Variants in SLC9A8 observed in about 807,000 individuals in gnomAD.
SLC9A8 encodes sodium/hydrogen exchanger 8.
Under a neutral mutation model 66.6 loss-of-function variants are expected in SLC9A8, and 48 were observed. The ratio of observed to expected loss-of-function variants is 0.72; its 90% CI spans 0.57 to 0.92. The LOEUF is 0.92. SLC9A8 is among the 40% of genes least tolerant of loss of function. The pLI is 0.00. For synonymous variants in SLC9A8, 274 were observed against 282.6 expected, an observed-to-expected ratio of 0.97 and a Z score of 0.31; for missense variants, 599 against 747.3, an observed-to-expected ratio of 0.80 and a Z score of 2.31.
chr20:49,884,199 G>GACACACACACAC, intron 14 of SLC9A8, 133 bp downstream of exon 14: 1 of 288,008 alleles, frequency 3.5e-6, no homozygotes, highest in Non-Finnish European at 6.3e-6. Context: ...CCACACACAC[G>GACACACACACAC]ACACACACAC....
At chr20:49,830,550 G>A (rs2087131568) in intron 3 of SLC9A8, 2 of 639,090 alleles carry the variant, frequency 3.1e-6, no homozygotes, top group Admixed American at 5.4e-5. Flanking sequence ...CTGGGTGATT[G>A]CGTCCAGGTC....
intron 11 of SLC9A8, among the ~76,000 whole-genome samples, chr20:49,876,153 TTGC>T (rs1168953250): frequency 3.3e-5 from 5 of 152,200 alleles, no homozygotes; most frequent in Admixed American, 3.3e-4. Flanking sequence ...GTCACATGAC[TTGC>T]CCATGGTCTC....
chr20:49,816,539 G>C (rs1465317120), intron 2 of SLC9A8, among the ~76,000 whole-genome samples: 1 of 152,010 alleles, frequency 6.6e-6, no homozygotes, highest in Non-Finnish European at 1.5e-5. Flanking sequence ...TATAAGACTA[G>C]AGACTGATAA....
intron 14 of SLC9A8, among the ~76,000 whole-genome samples, chr20:49,885,726 C>T (rs2089864073): frequency 6.6e-6 from 1 of 152,218 alleles, no homozygotes; most frequent in African/African-American, 2.4e-5. Context: ...TCAGATTGTC[C>T]CCATAGCCTG....
At chr20:49,868,491 G>A (rs2146696107) in intron 10 of SLC9A8, among the ~76,000 whole-genome samples, 1 of 152,322 alleles carries the variant, frequency 6.6e-6, no homozygotes, top group Non-Finnish European at 1.5e-5. Context: ...ACCTTCCTTT[G>A]TGTGCTCCCC....
intron 4 of SLC9A8, among the ~76,000 whole-genome samples, chr20:49,843,534 T>C (rs983266151): frequency 6.6e-5 from 10 of 152,174 alleles, no homozygotes; most frequent in African/African-American, 2.2e-4. Flanking sequence ...TGGGAAAATA[T>C]TCATATGAAA....
chr20:49,876,686 C>T (rs1356287878), intron 11 of SLC9A8, among the ~76,000 whole-genome samples: 1 of 152,220 alleles, frequency 6.6e-6, no homozygotes, highest in Non-Finnish European at 1.5e-5. Flanking sequence ...TGCCTGTTTA[C>T]TGAACACCTT....
chr20:49,861,498 A>C (rs1039335167), intron 8 of SLC9A8, among the ~76,000 whole-genome samples: 3 of 152,136 alleles, frequency 2.0e-5, no homozygotes, highest in African/African-American at 7.2e-5. Flanking sequence ...AGCTGAGATC[A>C]TGCCACTGCA....
intron 3 of SLC9A8, among the ~76,000 whole-genome samples, chr20:49,831,558 T>G (rs1236530849): frequency 6.6e-6 from 1 of 152,124 alleles, no homozygotes; most frequent in East Asian, 1.9e-4. Context: ...CAATGAGAGT[T>G]GGAAGCCTTC....
chr20:49,839,157 C>CT (rs1568821727), intron 3 of SLC9A8, among the ~76,000 whole-genome samples: 1 of 152,146 alleles, frequency 6.6e-6, no homozygotes, highest in South Asian at 2.1e-4. Context: ...ATCATGGATT[C>CT]TTTTTTGAAA....
In SLC9A8 at chr20:49,815,153, A is replaced by G. The variant is rs1412407609; in HGVS notation, c.172A>G (p.Ser58Gly). Reference sequence around the variant, plus strand: ...GCAGGCCCAGCAAGAGGAGCAGTCCAGCGGCATGACCATTTTCTTCAGCCT... The same window carrying G: ...GCAGGCCCAGCAAGAGGAGCAGTCCGGCGGCATGACCATTTTCTTCAGCCT... The part of the protein sequence containing the change: ...GEQAQQEEQS[S>G]GMTIFFSLLV... Residue 58 changes from serine to glycine, a missense_variant, in exon 2 of 16, where the codon AGC becomes GGC. Ser to Gly is a moderately conservative substitution (Grantham distance 56). Around this residue, in one of 2 missense-constraint regions of SLC9A8, gnomAD observed 132 missense variants for 120.9 expected, o/e 1.09. Coordinates refer to ENST00000361573, the MANE Select transcript of SLC9A8 (RefSeq NM_015266.3). 6.3e-7 allele frequency: 1 copy of G among 1,588,772 alleles called. No homozygotes were observed. Among genetic ancestry groups the G allele is most frequent in the Non-Finnish European group, 8.6e-7 (1 of 1,167,134 alleles).
intron 14 of SLC9A8, among the ~76,000 whole-genome samples, chr20:49,884,336 A>ACACACACACAC (rs1568884621): frequency 3.7e-5 from 4 of 108,516 alleles, no homozygotes; most frequent in Admixed American, 9.7e-5. Context: ...ACACACACAC[A>ACACACACACAC]CCCCCCGGTC....
chr20:49,861,863 C>T (rs2146668075), intron 8 of SLC9A8, among the ~76,000 whole-genome samples: 1 of 152,084 alleles, frequency 6.6e-6, no homozygotes, highest in South Asian at 2.1e-4. Context: ...CTCCTAAATC[C>T]TCCCTCTCAG....
At chr20:49,887,045 C>T in intron 15 of SLC9A8, 147 bp downstream of exon 15, 2 of 810,568 alleles carry the variant, frequency 2.5e-6, no homozygotes, top group East Asian at 5.3e-5. Flanking sequence ...GATCTGGAGG[C>T]TGGACGTGCT....
chr20:49,874,968 T>C (rs889181572), intron 11 of SLC9A8, 147 bp downstream of exon 11: 1 of 660,782 alleles, frequency 1.5e-6, no homozygotes, highest in Non-Finnish European at 2.7e-6. Flanking sequence ...TATCTTTTGT[T>C]TGTTCCTCTG....
intron 7 of SLC9A8, among the ~76,000 whole-genome samples, chr20:49,851,100 ACT>A (rs1244958260): frequency 6.6e-6 from 1 of 152,084 alleles, no homozygotes; most frequent in Non-Finnish European, 1.5e-5. Context: ...GGAGGGAGTA[ACT>A]CTGCTCAGCT....
chr20:49,837,273 G>A (rs2087574320), intron 3 of SLC9A8, among the ~76,000 whole-genome samples: 2 of 151,372 alleles, frequency 1.3e-5, no homozygotes, highest in African/African-American at 2.4e-5. Flanking sequence ...TGTATAAAAC[G>A]AAGCTGTGCC....
At chr20:49,860,020 G>GAAAA (rs1450007730) in intron 8 of SLC9A8, among the ~76,000 whole-genome samples, 37 of 152,166 alleles carry the variant, frequency 2.4e-4, no homozygotes, top group Non-Finnish European at 8.8e-5. Flanking sequence ...CTCTCTTTGG[G>GAAAA]CCTCAGGCTA....
chr20:49,859,625 T>C (rs1360113212), intron 8 of SLC9A8, among the ~76,000 whole-genome samples: 1 of 152,170 alleles, frequency 6.6e-6, no homozygotes, highest in East Asian at 1.9e-4. Flanking sequence ...CATTTATCTT[T>C]GCAACTGAAT....
Sources: allele counts gnomAD v4.1 joint callset (sites outside exome capture counted in the v4.1 genomes callset), GRCh38; gene constraint gnomAD v4.1.1; regional missense constraint gnomAD v4.1.1; transcripts MANE v1.5; gene names NCBI Gene and HGNC (gene_info 2026-07-23, HGNC 2026-07-21).